EYS: variants seen among roughly 807,000 people sequenced by gnomAD.
EYS encodes EGF-like photoreceptor maintenance factor.
Under a neutral mutation model 282.1 loss-of-function variants are expected in EYS, and 250 were observed. That is an observed-to-expected ratio of 0.89 (90% confidence interval 0.80 to 0.98). The LOEUF (loss-of-function observed/expected upper bound fraction) is 0.98. Among genes scored for constraint, EYS ranks in the 50% least tolerant of loss-of-function variants. The probability of loss-of-function intolerance (pLI) is 0.00; values close to 1 mark genes in which losing one functional copy is unlikely to be tolerated. For synonymous variants in EYS, 1,355 were observed against 1,282.9 expected, an observed-to-expected ratio of 1.06 and a Z score of -1.20; for missense variants, 4,016 against 3,709.0, an observed-to-expected ratio of 1.08 and a Z score of -2.15.
intron 14 of EYS, among the ~76,000 whole-genome samples, chr6:64,957,784 A>G (rs1456824152): frequency 6.6e-6 from 1 of 152,188 alleles, no homozygotes; most frequent in Non-Finnish European, 1.5e-5. Flanking sequence ...ATCAAAAAAA[A>G]TTAGTGCCTG....
At chr6:64,384,264 A>G (rs1772840386) in intron 29 of EYS, among the ~76,000 whole-genome samples, 1 of 152,144 alleles carries the variant, frequency 6.6e-6, no homozygotes, top group Non-Finnish European at 1.5e-5. Context: ...TGGATTCACT[A>G]GAAATTAAAA....
At chr6:64,860,254 A>C (rs1210840467) in intron 19 of EYS, among the ~76,000 whole-genome samples, 1 of 152,238 alleles carries the variant, frequency 6.6e-6, no homozygotes, top group Non-Finnish European at 1.5e-5. Context: ...CTCTGTGGCC[A>C]GTGGTGCCAT....
chr6:65,574,004 T>C (rs1049847455), intron 2 of EYS, among the ~76,000 whole-genome samples: 14 of 152,286 alleles, frequency 9.2e-5, no homozygotes, highest in African/African-American at 2.4e-4. Context: ...CTTGGCACTC[T>C]GGCTAGTTCA....
At chr6:64,661,653 CAG>C (rs1283344772) in intron 22 of EYS, among the ~76,000 whole-genome samples, 1 of 147,570 alleles carries the variant, frequency 6.8e-6, no homozygotes, top group East Asian at 2.0e-4. Flanking sequence ...CACTGGCCAA[CAG>C]AGAAATGCAA....
chr6:64,658,500 C>T (rs1768849245), intron 22 of EYS, among the ~76,000 whole-genome samples: 2 of 152,178 alleles, frequency 1.3e-5, no homozygotes, highest in African/African-American at 4.8e-5. Flanking sequence ...TACTTTTGGT[C>T]TTTGATGATG....
rs763120793 is a variant in EYS at position 65,495,177 on chromosome 6, G to A, written c.234C>T (p.Cys78=). 7 of 1,614,072 alleles carry A rather than the reference G, an allele frequency of 4.3e-6. No individual in the cohort carries two copies. The highest frequency in any genetic ancestry group is 5.9e-6 in the Non-Finnish European group (7 of 1,179,960). ...TSGNQAVPQI[C]PLQIQLGDIL... ...TATCTCCTAATTGAATTTGCAAAGG[G>A]CAAATCTGGGGAACAGCTTGATTGC... The change falls in exon 4 of 43, where the codon TGC becomes TGT. Residue 78 remains cysteine (C), a synonymous_variant. Coordinates refer to ENST00000503581, the MANE Select transcript of EYS (RefSeq NM_001142800.2).
intron 4 of EYS, among the ~76,000 whole-genome samples, chr6:65,493,802 C>T (rs1225025846): frequency 1.3e-5 from 2 of 152,150 alleles, no homozygotes; most frequent in Admixed American, 6.5e-5. Context: ...ATCTTCTTTC[C>T]ATCCTTGTCA....
intron 1 of EYS, among the ~76,000 whole-genome samples, chr6:65,643,552 T>C (rs999549494): frequency 6.6e-6 from 1 of 152,118 alleles, no homozygotes; most frequent in Non-Finnish European, 1.5e-5. Flanking sequence ...TAGGGCAAGT[T>C]TGCATCCTCC....
intron 36 of EYS, among the ~76,000 whole-genome samples, chr6:63,838,315 C>T (rs1445910423): frequency 1.3e-5 from 2 of 151,428 alleles, no homozygotes; most frequent in Admixed American, 6.6e-5. Flanking sequence ...CATAAATAGA[C>T]GTTAGTATAA....
At chr6:63,801,783 A>G (rs1301202268) in intron 37 of EYS, among the ~76,000 whole-genome samples, 1 of 152,218 alleles carries the variant, frequency 6.6e-6, no homozygotes, top group African/African-American at 2.4e-5. Context: ...TGGTGGCAGT[A>G]TTTGGTGGCA....
chr6:65,163,843 C>A (rs1440363208), intron 12 of EYS, among the ~76,000 whole-genome samples: 1 of 151,142 alleles, frequency 6.6e-6, no homozygotes, highest in East Asian at 2.0e-4. Context: ...TATGCATTGT[C>A]CATGACAGTT....
chr6:64,030,477 G>C (rs561348705), intron 33 of EYS, among the ~76,000 whole-genome samples: 58 of 152,262 alleles, frequency 3.8e-4, no homozygotes, highest in African/African-American at 1.4e-3. Context: ...AACTGCCGAG[G>C]ACTAGACCTC....
chr6:65,532,758 A>C (rs1356360219), intron 2 of EYS, among the ~76,000 whole-genome samples: 3 of 152,216 alleles, frequency 2.0e-5, no homozygotes, highest in African/African-American at 7.2e-5. Context: ...GATATGTACT[A>C]AAAAGCTTTA....
At chr6:63,819,262 C>G (rs1169403535) in intron 36 of EYS, among the ~76,000 whole-genome samples, 2 of 152,136 alleles carry the variant, frequency 1.3e-5, no homozygotes, top group South Asian at 4.1e-4. Context: ...CCCCTTCATA[C>G]CTGTTTGTGT....
At chr6:65,676,353 T>C (rs954884369) in intron 1 of EYS, among the ~76,000 whole-genome samples, 8 of 151,248 alleles carry the variant, frequency 5.3e-5, no homozygotes, top group African/African-American at 1.2e-4. Flanking sequence ...AAAGAGAGAG[T>C]ATTGAAATAA....
intron 12 of EYS, among the ~76,000 whole-genome samples, chr6:65,208,193 A>G (rs990199746): frequency 5.3e-5 from 8 of 151,864 alleles, no homozygotes; most frequent in Non-Finnish European, 1.2e-4. Flanking sequence ...CCTATCAAAC[A>G]TATGAAAAAT....
rs377514131 is a variant in EYS, at chr6:65,601,902, C to G, written c.-333+37876G>C. 3.3e-5 allele frequency among the ~76,000 whole-genome samples: 5 copies of G among 151,968 alleles called. No individual in the cohort carries two copies. In the East Asian group the frequency reaches 9.7e-4, roughly 29 times the overall value. ...TTTCAAATTTTTGGTTAATTAAACA[C>G]AAATACCTATTTATCTGTTGTATTT... On this transcript the variant is annotated intron_variant, in intron 2 of 42. Transcript: ENST00000503581.
chr6:65,380,146 A>G (rs1186757920), intron 8 of EYS, among the ~76,000 whole-genome samples: 3 of 152,074 alleles, frequency 2.0e-5, no homozygotes, highest in Non-Finnish European at 4.4e-5. Flanking sequence ...AACAAAAAAA[A>G]GGCCATATTT....
intron 2 of EYS, among the ~76,000 whole-genome samples, chr6:65,496,220 C>A (rs898332197): frequency 5.9e-5 from 9 of 151,522 alleles, no homozygotes; most frequent in African/African-American, 2.2e-4. Context: ...AAAAGAAAGT[C>A]AAAAAGCAGT....
Sources: allele counts gnomAD v4.1 joint callset (sites outside exome capture counted in the v4.1 genomes callset), GRCh38; gene constraint gnomAD v4.1.1; transcripts MANE v1.5; gene names NCBI Gene and HGNC (gene_info 2026-07-23, HGNC 2026-07-21).